Variants in CUEDC1 observed in about 807,000 individuals in gnomAD.
The protein encoded by CUEDC1 is CUE domain containing 1.
A neutral mutation model predicts 43.7 loss-of-function variants in CUEDC1; 30 were observed. That is an observed-to-expected ratio of 0.69 (90% CI 0.51 to 0.93). The LOEUF is 0.93. Among genes scored for constraint, CUEDC1 ranks in the 40% least tolerant of loss-of-function variants. CUEDC1 has a pLI of 0.00. For missense variants in CUEDC1, 486 were observed against 549.0 expected, an observed-to-expected ratio of 0.89 and a Z score of 1.15; for synonymous variants, 223 against 223.6, an observed-to-expected ratio of 1.00 and a Z score of 0.02.
chr17:57,941,084 C>T (rs915767051), intron 1 of CUEDC1, among the ~76,000 whole-genome samples: 6 of 152,162 alleles, frequency 3.9e-5, no homozygotes, highest in Non-Finnish European at 7.3e-5. Context: ...TTGCTCTGGG[C>T]GCAGACACAT....
chr17:57,942,344 CA>C (rs1328716371), intron 1 of CUEDC1, among the ~76,000 whole-genome samples: 1 of 152,088 alleles, frequency 6.6e-6, no homozygotes, highest in Non-Finnish European at 1.5e-5. Flanking sequence ...CCCTGTAGGT[CA>C]AAAACTATTT....
chr17:57,874,278 G>T (rs1013578070), intron 3 of CUEDC1, among the ~76,000 whole-genome samples: 27 of 152,212 alleles, frequency 1.8e-4, no homozygotes, highest in Admixed American at 1.4e-3. Flanking sequence ...TCTTAGGTGG[G>T]CCCCTGTTCC....
Position 57,868,161 on chromosome 17 carries a change from C to T in CUEDC1, c.1023G>A (p.Leu341=). Residue 341 remains leucine, a synonymous_variant, in exon 8 of 11, where the codon TTG becomes TTA. Coordinates refer to ENST00000577830, the MANE Select transcript of CUEDC1 (RefSeq NM_001271875.2). ...GCTGGAAAGGATACGACTGATGCTTCAACAAGTGTTTCCTCTTTGACTTCC... is the reference window on the plus strand; with the variant it reads ...GCTGGAAAGGATACGACTGATGCTTTAACAAGTGTTTCCTCTTTGACTTCC... ...KMRKSKRKHL[L]KHQSLGAAAS... is the part of the protein sequence containing the mutation. The T allele has an allele frequency of 6.2e-7, 1 of 1,614,008 alleles. No individual in the cohort carries two copies. The highest frequency in any genetic ancestry group is 8.5e-7 in the Non-Finnish European group (1 of 1,179,844).
chr17:57,942,195 G>A (rs2074922730), intron 1 of CUEDC1, among the ~76,000 whole-genome samples: 1 of 152,156 alleles, frequency 6.6e-6, no homozygotes, highest in African/African-American at 2.4e-5. Context: ...GCTGGGAGGT[G>A]GAGCTGGCTG....
intron 9 of CUEDC1, chr17:57,866,766 G>C (rs1429313658): frequency 3.6e-6 from 2 of 550,170 alleles, no homozygotes; most frequent in African/African-American, 3.8e-5. Context: ...CCTTGGACAA[G>C]TTCTCCCCTC....
chr17:57,946,373 C>A (rs935697977), intron 1 of CUEDC1, among the ~76,000 whole-genome samples: 2 of 152,176 alleles, frequency 1.3e-5, no homozygotes, highest in African/African-American at 4.8e-5. Context: ...GTGTATGCCT[C>A]ACCCAGAACC....
At chr17:57,919,282 C>A (rs1231116682) in intron 1 of CUEDC1, among the ~76,000 whole-genome samples, 2 of 152,066 alleles carry the variant, frequency 1.3e-5, no homozygotes, top group African/African-American at 4.8e-5. Flanking sequence ...CGGGTTCGAG[C>A]AATTCTCCTG....
At position 57,895,263 on chromosome 17, in the gene CUEDC1, G is replaced by A. The variant is rs556191158; in HGVS notation, c.-315-9384C>T. ...GCTGAAATTTGAACCCAGAAGGTCCGATTCCAGATTTAACACTCTGTATCC... is the reference window on the plus strand; with the variant it reads ...GCTGAAATTTGAACCCAGAAGGTCCAATTCCAGATTTAACACTCTGTATCC... On this transcript the variant is annotated intron_variant, in intron 1 of 10. Transcript: ENST00000577830. Among the ~76,000 whole-genome samples, 24 of 152,302 alleles carry A rather than the reference G, an allele frequency of 1.6e-4. No homozygotes were observed. The South Asian group carries it at 2.5e-3, about 16-fold the overall frequency.
At chr17:57,901,242 G>C (rs1235479170) in intron 1 of CUEDC1, among the ~76,000 whole-genome samples, 1 of 152,184 alleles carries the variant, frequency 6.6e-6, no homozygotes, top group Non-Finnish European at 1.5e-5. Flanking sequence ...TAATCTCCAA[G>C]ACTCTTTTCA....
In CUEDC1 at chr17:57,872,739, G is replaced by A. The variant is rs1478637604; in HGVS notation, c.708C>T (p.Ile236=). Residue 236 remains isoleucine (I), a synonymous_variant, in exon 5 of 11, where the codon ATC becomes ATT. Transcript: ENST00000577830. The part of the protein sequence containing the change: ...RWKQYLEDER[I]ALFLQNEEFM... ...ACTCCTCGTTCTGCAGGAAAAGCGC[G>A]ATCCTCTCGTCCTCCAGGTACTGCT... 7 of 1,614,176 alleles carry A rather than the reference G, an allele frequency of 4.3e-6. No homozygotes were observed. Among genetic ancestry groups the A allele is most frequent in the Non-Finnish European group, 4.2e-6 (5 of 1,180,034 alleles).
chr17:57,896,487 G>GGT (rs1555660568), intron 1 of CUEDC1, among the ~76,000 whole-genome samples: 6,134 of 130,292 alleles, frequency 0.047, 193 homozygotes, highest in African/African-American at 0.062. Context: ...TGCATTATGG[G>GGT]GTGTGTGTGT....
intron 1 of CUEDC1, among the ~76,000 whole-genome samples, chr17:57,929,865 G>A (rs934756532): frequency 6.6e-6 from 1 of 152,074 alleles, no homozygotes; most frequent in Non-Finnish European, 1.5e-5. Context: ...GCAGTGGCGC[G>A]ATCTTGGCTC....
In CUEDC1 at chr17:57,930,454, A is replaced by G. The variant is rs927357109; in HGVS notation, c.-316+24771T>C. 1.3e-5 allele frequency among the ~76,000 whole-genome samples: 2 copies of G among 152,228 alleles called. No individual in the cohort carries two copies. Among genetic ancestry groups the G allele is most frequent in the African/African-American group, 4.8e-5 (2 of 41,470 alleles). On this transcript the variant is annotated intron_variant, in intron 1 of 10. Coordinates refer to ENST00000577830, the MANE Select transcript of CUEDC1 (RefSeq NM_001271875.2). The surrounding 1 kb of genome is among the most constrained non-coding windows in gnomAD (Gnocchi z 4.2). ...CCCTTTTATCCTGAGTCAGAAACCA[A>G]AGCCCTCTCCGTCCCAGGGGTTTAA...
intron 1 of CUEDC1, among the ~76,000 whole-genome samples, chr17:57,921,867 CT>C (rs551072125): frequency 9.2e-5 from 14 of 152,208 alleles, no homozygotes; most frequent in Non-Finnish European, 1.6e-4. Flanking sequence ...AATCCCAGCA[CT>C]TTAGGAGGCC....
intron 1 of CUEDC1, among the ~76,000 whole-genome samples, chr17:57,950,303 G>A (rs1008566764): frequency 1.3e-5 from 2 of 150,524 alleles, no homozygotes; most frequent in South Asian, 2.1e-4. Context: ...GGCGCCTGCC[G>A]CCAAACCTGG....
At chr17:57,904,945 G>A (rs1232169050) in intron 1 of CUEDC1, among the ~76,000 whole-genome samples, 1 of 152,182 alleles carries the variant, frequency 6.6e-6, no homozygotes, top group African/African-American at 2.4e-5. Context: ...GGCTTTCGGG[G>A]ACAGGAAGCA....
Position 57,954,836 on chromosome 17 carries a change from G to A in CUEDC1, c.-316+389C>T, listed in dbSNP as rs2075041162. Among the ~76,000 whole-genome samples the A allele has an allele frequency of 6.6e-6, 1 of 151,930 alleles. No homozygotes were observed. The highest frequency in any genetic ancestry group is 2.1e-4 in the South Asian group (1 of 4,836). On this transcript the variant is annotated intron_variant, in intron 1 of 10. Transcript: ENST00000577830. The surrounding 1 kb of genome is among the most constrained non-coding windows in gnomAD (Gnocchi z 4.3). Reference sequence around the variant, plus strand: ...GGGGCGCCCACACAAAAGGGGGAGCGGCGGGAGAGGGGACTCGGGCGAAGC... The same window carrying A: ...GGGGCGCCCACACAAAAGGGGGAGCAGCGGGAGAGGGGACTCGGGCGAAGC...
intron 1 of CUEDC1, among the ~76,000 whole-genome samples, chr17:57,925,773 G>T (rs1039522903): frequency 1.3e-5 from 2 of 152,228 alleles, no homozygotes; most frequent in Non-Finnish European, 2.9e-5. Flanking sequence ...GAAGGAGGAA[G>T]AGGGTCAAAA....
At chr17:57,889,164 C>T (rs1206976175) in intron 1 of CUEDC1, among the ~76,000 whole-genome samples, 1 of 152,226 alleles carries the variant, frequency 6.6e-6, no homozygotes, top group Non-Finnish European at 1.5e-5. Flanking sequence ...GGATGTATCC[C>T]TTAGGGGGTT....
Sources: allele counts gnomAD v4.1 joint callset (sites outside exome capture counted in the v4.1 genomes callset), GRCh38; gene constraint gnomAD v4.1.1; non-coding constraint Gnocchi (gnomAD v3.1); transcripts MANE v1.5; gene names NCBI Gene and HGNC (gene_info 2026-07-23, HGNC 2026-07-21).